SMIM24: variants seen among roughly 807,000 people sequenced by gnomAD.
The protein encoded by SMIM24 is MAP17-related dimer.
SMIM24 carries 6 observed loss-of-function variants against 10.8 expected under a neutral mutation model. The observed-to-expected ratio is 0.55, with a 90% CI of 0.30 to 1.09. The LOEUF (loss-of-function observed/expected upper bound fraction) is 1.09. SMIM24 is among the 50% of genes least tolerant of loss of function. The pLI is 0.06. For synonymous variants in SMIM24, 71 were observed against 62.4 expected, an observed-to-expected ratio of 1.14 and a Z score of -0.65; for missense variants, 151 against 153.4, an observed-to-expected ratio of 0.98 and a Z score of 0.08.
chr19:3,476,204 G>C (rs1568215101), intron 3 of SMIM24, among the ~76,000 whole-genome samples: 1 of 151,916 alleles, frequency 6.6e-6, no homozygotes, highest in Non-Finnish European at 1.5e-5. Flanking sequence ...AGGAAGAAGA[G>C]AATGACATAC....
chr19:3,478,993 C>A, intron 1 of SMIM24, 64 bp from the exon 2 acceptor site: 1 of 1,314,316 alleles, frequency 7.6e-7, no homozygotes, highest in South Asian at 1.3e-5. Flanking sequence ...CTTCCCCCAC[C>A]ACCCTAGCAA....
intron 3 of SMIM24, 23 bp from the exon 4 acceptor site, chr19:3,475,019 A>T: frequency 6.5e-7 from 1 of 1,548,586 alleles, no homozygotes; most frequent in African/African-American, 1.4e-5. Flanking sequence ...AAAGGCCCCA[A>T]ACCATAATAA....
Position 3,474,799 on chromosome 19 carries a change from G to T in SMIM24, c.*44C>A. 1.3e-6 allele frequency: 2 copies of T among 1,539,274 alleles called. No individual in the cohort carries two copies. ...AGGGCACTGCTTTTAGGGGGCAGAA[G>T]AGGCATCTCTGGGGGACTGCCTGGA... is the stretch of plus-strand genomic sequence containing the variant. On this transcript the variant is annotated 3_prime_UTR_variant, in exon 4 of 4. Transcript: ENST00000215531.
intron 1 of SMIM24, 26 bp downstream of exon 1, chr19:3,480,371 G>GCGGCCC: frequency 7.3e-7 from 1 of 1,370,124 alleles, no homozygotes; most frequent in South Asian, 1.3e-5. Flanking sequence ...ATCCCGCGAC[G>GCGGCCC]CCCCCTCCCG....
intron 3 of SMIM24, among the ~76,000 whole-genome samples, chr19:3,477,113 T>TGGATGGAC (rs2082795586): frequency 1.5e-5 from 2 of 132,108 alleles, no homozygotes; most frequent in Non-Finnish European, 3.2e-5. Flanking sequence ...GATGGATGGA[T>TGGATGGAC]GGATGGATGG....
Sources: gnomAD v4.1 joint callset for allele counts (sites outside exome capture counted in the v4.1 genomes callset) on GRCh38, gnomAD v4.1.1 for gene constraint, MANE v1.5 for transcripts, NCBI Gene and HGNC (gene_info 2026-07-23, HGNC 2026-07-21) for gene names.